RB1CC1: variants seen among roughly 807,000 people sequenced by gnomAD.
RB1CC1 encodes RB1 inducible coiled-coil 1, also known as RB1-inducible coiled-coil protein 1.
A neutral mutation model predicts 177.5 loss-of-function variants in RB1CC1; 46 were observed. The observed-to-expected ratio is 0.26, with a 90% CI of 0.20 to 0.33. The LOEUF is 0.33. RB1CC1 is among the 10% of genes least tolerant of loss of function. The pLI is 1.00. For synonymous variants in RB1CC1, 666 were observed against 613.6 expected, an observed-to-expected ratio of 1.09 and a Z score of -1.26; for missense variants, 1,703 against 1,816.3, an observed-to-expected ratio of 0.94 and a Z score of 1.13.
At position 52,657,820 on chromosome 8, in the gene RB1CC1, G is replaced by A. The variant is rs140019186; in HGVS notation, c.2009C>T (p.Thr670Ile). The change falls in exon 15 of 24, where the codon ACT becomes ATT. Residue 670 changes from threonine to isoleucine, a missense_variant. By Grantham distance (89) the Thr-to-Ile change is moderately conservative (BLOSUM62 -1). Transcript: ENST00000025008. ...AGITTTTSPR[T>I]PPPLTVQDPL... ...ATCCTGAACAGTCAGTGGTGGAGGA[G>A]TTCTCGGTGAGGTAGTAGTTGTAAT... is the stretch of plus-strand genomic sequence containing the variant. The A allele has an allele frequency of 6.2e-6, 10 of 1,613,952 alleles. No homozygotes were observed. The African/African-American group carries it at 1.3e-4, about 22-fold the overall frequency.
intron 7 of RB1CC1, among the ~76,000 whole-genome samples, chr8:52,668,668 T>C (rs918046755): frequency 4.6e-5 from 7 of 152,144 alleles, no homozygotes; most frequent in African/African-American, 1.7e-4. Flanking sequence ...ATCTCTCCTG[T>C]TCCCTGGCTC....
At chr8:52,692,322 G>GA (rs1348160542) in intron 1 of RB1CC1, among the ~76,000 whole-genome samples, 6 of 151,978 alleles carry the variant, frequency 3.9e-5, no homozygotes, top group Admixed American at 6.6e-5. Flanking sequence ...CTTTCAGGGG[G>GA]AAAAAAGCTA....
Position 52,661,192 on chromosome 8 carries a change from A to C in RB1CC1, c.1448T>G (p.Val483Gly). 8 of 1,613,910 alleles carry C rather than the reference A, an allele frequency of 5.0e-6. No homozygotes were observed. The highest frequency in any genetic ancestry group is 6.8e-6 in the Non-Finnish European group (8 of 1,179,884). Residue 483 changes from valine (V) to glycine (G), a missense_variant, in exon 10 of 24, where the codon GTC (valine) becomes GGC (glycine). By Grantham distance (109) the Val-to-Gly change is moderately radical. This residue lies in a region of RB1CC1 where 1,169 missense variants were observed against 1,184.7 expected (regional missense o/e 0.99). Transcript: ENST00000025008. ...TGTACTAAGAGCTTCAACAATTTTG[A>C]CTCTTTCTAACAGCTCTATTACGAG... The part of the protein sequence containing the change: ...LRLVIELLER[V>G]KIVEALSTVP...
At chr8:52,676,302 A>C in intron 6 of RB1CC1, 67 bp downstream of exon 6, 1 of 1,445,514 alleles carries the variant, frequency 6.9e-7, no homozygotes, top group South Asian at 1.2e-5. Context: ...ATTTGCAGTA[A>C]TTAAACCTAC....
In RB1CC1 at chr8:52,699,804, C is replaced by CAA. The variant is rs1172604874; in HGVS notation, c.-166-12839_-166-12838dup. Among the ~76,000 whole-genome samples, 51 of 38,542 alleles carry CAA rather than the reference C, an allele frequency of 1.3e-3. 2 individuals are homozygous for CAA. The highest frequency in any genetic ancestry group is 4.4e-3 in the African/African-American group (27 of 6,068). 25.3% of individuals were successfully genotyped at this position (38,542 alleles called of 152,430 possible). A position where few individuals can be genotyped will look rare whatever the true frequency, so the allele number is the denominator to read the frequency against. ...ACTGCACTGCAGTGAATCTCCGTCT[C>CAA]AAAAAAAAAAAAAAAAAAAAAAAAA... is the stretch of plus-strand genomic sequence containing the variant. On this transcript the variant is annotated intron_variant, in intron 1 of 23. Coordinates refer to ENST00000025008, the MANE Select transcript of RB1CC1 (RefSeq NM_014781.5).
At chr8:52,693,304 GCAAAACAAACTATCAT>G (rs1191070928) in intron 1 of RB1CC1, among the ~76,000 whole-genome samples, 1 of 152,164 alleles carries the variant, frequency 6.6e-6, no homozygotes, top group African/African-American at 2.4e-5. Context: ...CTTCTGCACA[GCAAAACAAACTATCAT>G]CAGAGTGAAC....
At chr8:52,682,312 C>T (rs761859033) in intron 5 of RB1CC1, among the ~76,000 whole-genome samples, 41 of 152,126 alleles carry the variant, frequency 2.7e-4, no homozygotes, top group African/African-American at 5.3e-4. Flanking sequence ...GCCATAATTC[C>T]GAGGCCTCTT....
intron 18 of RB1CC1, among the ~76,000 whole-genome samples, chr8:52,636,834 G>GC (rs1465666672): frequency 6.6e-6 from 1 of 152,164 alleles, no homozygotes; most frequent in South Asian, 2.1e-4. Context: ...TGCACCATTT[G>GC]CTGAAAAAGC....
At chr8:52,658,449 C>A (rs367601044) in intron 13 of RB1CC1, among the ~76,000 whole-genome samples, 25 of 151,926 alleles carry the variant, frequency 1.6e-4, no homozygotes, top group African/African-American at 5.5e-4. Context: ...TGGTGGTGGG[C>A]TCCTGTAATC....
In RB1CC1 at chr8:52,656,544, T is replaced by C. The variant is rs779359288; in HGVS notation, c.3285A>G (p.Gln1095=). The part of the protein sequence containing the change: ...QKETLKSLLE[Q]ETENLRTEIS... ...TTTCTGTTCTCAAATTTTCTGTCTC[T>C]TGTTCAAGAAGAGATTTCAAGGTCT... The change falls in exon 15 of 24, where the codon CAA becomes CAG. Residue 1095 remains glutamine, a synonymous_variant. Coordinates refer to ENST00000025008, the MANE Select transcript of RB1CC1 (RefSeq NM_014781.5). 6.2e-7 allele frequency: 1 copy of C among 1,611,172 alleles called. No homozygotes were observed. The highest frequency in any genetic ancestry group is 1.1e-5 in the South Asian group (1 of 90,750).
intron 7 of RB1CC1, among the ~76,000 whole-genome samples, chr8:52,671,835 C>T (rs1232422010): frequency 6.6e-6 from 1 of 151,862 alleles, no homozygotes; most frequent in African/African-American, 2.4e-5. Context: ...GCCCAGCATC[C>T]AATAGCTACT....
intron 19 of RB1CC1, among the ~76,000 whole-genome samples, chr8:52,635,405 A>G (rs1849057275): frequency 6.6e-6 from 1 of 152,162 alleles, no homozygotes; most frequent in South Asian, 2.1e-4. Flanking sequence ...CTGAATTTGG[A>G]TTTTTATCAG....
At chr8:52,709,749 AAAAC>A (rs769200909) in intron 1 of RB1CC1, among the ~76,000 whole-genome samples, 4 of 152,236 alleles carry the variant, frequency 2.6e-5, no homozygotes, top group South Asian at 2.1e-4. Context: ...TTAAAAAACA[AAAAC>A]AAACAAACAA....
intron 12 of RB1CC1, among the ~76,000 whole-genome samples, chr8:52,660,360 T>A: frequency 6.6e-6 from 1 of 152,188 alleles, no homozygotes; most frequent in South Asian, 2.1e-4. Context: ...CTACCAATCC[T>A]AACAGTGCAG....
In RB1CC1 at chr8:52,658,858, A is replaced by G. The variant is rs377113397; in HGVS notation, c.1793+15T>C. 17 of 1,512,294 alleles carry G rather than the reference A, an allele frequency of 1.1e-5. No homozygotes were observed. The highest frequency in any genetic ancestry group is 1.7e-4 in the Middle Eastern group (1 of 5,790). The allele number at this position is 1,512,294 out of a possible 1,614,324, so 93.7% of individuals were successfully genotyped here. ...TTAAGGTTATAAATTAACTGAAAAT[A>G]CTAATGACATTTACCTGAGGAATGG... On this transcript the variant is annotated intron_variant, in intron 13 of 23. Transcript: ENST00000025008.
rs1439018431 is a variant in RB1CC1, at chr8:52,661,524, G to C, written c.1358+11C>G. 6.4e-7 allele frequency: 1 copy of C among 1,573,582 alleles called. No individual in the cohort carries two copies. Among genetic ancestry groups the C allele is most frequent in the African/African-American group, 1.4e-5 (1 of 73,002 alleles). On this transcript the variant is annotated intron_variant, in intron 9 of 23. Coordinates refer to ENST00000025008, the MANE Select transcript of RB1CC1 (RefSeq NM_014781.5). ...TAAACATCTTAAAACAGATATAAAT[G>C]AATCACTTACTTCAGTCTGACATGT...
Position 52,656,751 on chromosome 8 carries a change from A to T in RB1CC1, c.3078T>A (p.Asn1026Lys). ...ELKKENQQII[N>K]QIQESHAEII... ...TTTCAGCATGAGATTCTTGTATTTG[A>T]TTAATTATTTGTTGGTTTTCCTTTT... Residue 1026 changes from asparagine (N) to lysine (K), a missense_variant, in exon 15 of 24, where the codon AAT becomes AAA. Asn to Lys is a moderately conservative substitution (Grantham distance 94). Transcript: ENST00000025008. 6.2e-7 allele frequency: 1 copy of T among 1,613,580 alleles called. No homozygotes were observed. Among genetic ancestry groups the T allele is most frequent in the Non-Finnish European group, 8.5e-7 (1 of 1,179,856 alleles).
In RB1CC1 at chr8:52,652,345, A is replaced by G. The variant is rs559503809; in HGVS notation, c.3821+3663T>C. Among the ~76,000 whole-genome samples the G allele has an allele frequency of 3.3e-5, 5 of 151,786 alleles. No individual in the cohort carries two copies. In the South Asian group the frequency reaches 1.0e-3, roughly 32 times the overall value. Reference sequence around the variant, plus strand: ...GCTGGGCGTGGTGTCACGCACCTGTAGTCCCAGCTACTCGGGAGGCTGAGG... The same window carrying G: ...GCTGGGCGTGGTGTCACGCACCTGTGGTCCCAGCTACTCGGGAGGCTGAGG... On this transcript the variant is annotated intron_variant, in intron 15 of 23. Coordinates refer to ENST00000025008, the MANE Select transcript of RB1CC1 (RefSeq NM_014781.5).
Position 52,657,805 on chromosome 8 carries a change from G to A in RB1CC1, c.2024C>T (p.Thr675Ile), listed in dbSNP as rs1406399565. 6.2e-7 allele frequency: 1 copy of A among 1,613,906 alleles called. No homozygotes were observed. The highest frequency in any genetic ancestry group is 2.2e-5 in the East Asian group (1 of 44,840). Residue 675 changes from threonine to isoleucine, a missense_variant, in exon 15 of 24, where the codon ACT becomes ATT. This residue lies in a region of RB1CC1 where 1,169 missense variants were observed against 1,184.7 expected (regional missense o/e 0.99). Coordinates refer to ENST00000025008, the MANE Select transcript of RB1CC1 (RefSeq NM_014781.5). ...TTSPRTPPPL[T>I]VQDPLCPAVC... is the part of the protein sequence containing the mutation. ...TGCAGGACATAAGGGATCCTGAACAGTCAGTGGTGGAGGAGTTCTCGGTGA... is the reference window on the plus strand; with the variant it reads ...TGCAGGACATAAGGGATCCTGAACAATCAGTGGTGGAGGAGTTCTCGGTGA...
Sources: allele counts gnomAD v4.1 joint callset (sites outside exome capture counted in the v4.1 genomes callset), GRCh38; gene constraint gnomAD v4.1.1; regional missense constraint gnomAD v4.1.1; transcripts MANE v1.5; gene names NCBI Gene and HGNC (gene_info 2026-07-23, HGNC 2026-07-21).